The following EBF3 variants were observed in gnomAD, a reference collection of about 807,000 sequenced individuals.
The protein encoded by EBF3 is EBF transcription factor 3.
A neutral mutation model predicts 77.1 loss-of-function variants in EBF3; 18 were observed. The ratio of observed to expected loss-of-function variants is 0.23; its 90% CI spans 0.16 to 0.35. EBF3 has a LOEUF of 0.35. EBF3 is among the 10% of genes least tolerant of loss of function. The probability of loss-of-function intolerance (pLI) is 1.00; values close to 1 mark genes in which losing one functional copy is unlikely to be tolerated. For missense variants in EBF3, 558 were observed against 860.0 expected, an observed-to-expected ratio of 0.65 and a Z score of 4.39; for synonymous variants, 350 against 343.5, an observed-to-expected ratio of 1.02 and a Z score of -0.21.
rs985795725 is a variant in EBF3, at chr10:129,842,699, G to A, written c.1195-406C>T. ...GAATCGCTTGAACCTGGGAGGTGGA[G>A]GTTGCAGTGAACCGACACTGCCCTA... On this transcript the variant is annotated intron_variant, in intron 12 of 16. Coordinates refer to ENST00000440978, the MANE Select transcript of EBF3 (RefSeq NM_001375380.1). The surrounding 1 kb of genome is among the most constrained non-coding windows in gnomAD (Gnocchi z 4.4). 2.0e-5 allele frequency among the ~76,000 whole-genome samples: 3 copies of A among 149,098 alleles called. No homozygotes were observed. Among genetic ancestry groups the A allele is most frequent in the African/African-American group, 7.5e-5 (3 of 40,090 alleles).
chr10:129,958,807 G>T lies in EBF3; in HGVS notation c.485+127C>A. On this transcript the variant is annotated intron_variant, in intron 5 of 16. Coordinates refer to ENST00000440978, the MANE Select transcript of EBF3 (RefSeq NM_001375380.1). ...GCGGCCCGGCGCGCGGCCTCGGGCCGATTACATTTCAATCGATGCCCTTCC... is the reference window on the plus strand; with the variant it reads ...GCGGCCCGGCGCGCGGCCTCGGGCCTATTACATTTCAATCGATGCCCTTCC... 3.1e-6 allele frequency: 4 copies of T among 1,300,590 alleles called. No individual in the cohort carries two copies. In the South Asian group the frequency reaches 6.6e-5, roughly 21 times the overall value. 80.6% of individuals were successfully genotyped at this position (1,300,590 alleles called of 1,614,324 possible).
At chr10:129,951,854 TG>T (rs1858707178) in intron 6 of EBF3, among the ~76,000 whole-genome samples, 2 of 152,276 alleles carry the variant, frequency 1.3e-5, no homozygotes, top group Admixed American at 6.5e-5. Flanking sequence ...CATGCCATTG[TG>T]CCTCCATAAT....
Position 129,877,858 on chromosome 10 carries a change from A to T in EBF3, c.555-9T>A, listed in dbSNP as rs368810923. 1.4e-5 allele frequency: 22 copies of T among 1,603,368 alleles called. No homozygotes were observed. The highest frequency in any genetic ancestry group is 1.6e-5 in the Non-Finnish European group (19 of 1,173,166). The stretch of plus-strand genomic sequence containing the variant: ...AAAACTTTAGAAAGAATCTATAAAA[A>T]ATACAAAAAGATGATATTTATTAGG... On this transcript the variant is annotated splice_polypyrimidine_tract_variant and intron_variant, in intron 6 of 16. Transcript: ENST00000440978.
Position 129,962,931 on chromosome 10 carries a change from C to T in EBF3, c.355+11G>A. The T allele has an allele frequency of 6.2e-7, 1 of 1,613,896 alleles. No individual in the cohort carries two copies. Among genetic ancestry groups the T allele is most frequent in the African/African-American group, 1.3e-5 (1 of 75,054 alleles). On this transcript the variant is annotated intron_variant, in intron 3 of 16. Transcript: ENST00000440978. ...CGCTGCAGGGGCGGCGAGCACGCAG[C>T]AGGCACTTACCGTTGCTGTACAATA...
intron 4 of EBF3, 49 bp from the exon 5 acceptor site, chr10:129,959,056 T>G (rs766613759): frequency 6.3e-7 from 1 of 1,594,682 alleles, no homozygotes; most frequent in Admixed American, 1.7e-5. Flanking sequence ...CCCGCGGCTT[T>G]GGCGCCAAAT....
intron 7 of EBF3, among the ~76,000 whole-genome samples, chr10:129,875,379 G>A (rs1018546279): frequency 1.3e-5 from 2 of 151,930 alleles, no homozygotes; most frequent in African/African-American, 4.8e-5. Flanking sequence ...GGCATTTGTA[G>A]TAGAGATGGG....
intron 16 of EBF3, 132 bp downstream of exon 16, chr10:129,838,951 C>T (rs1849810484): frequency 1.2e-6 from 1 of 858,016 alleles, no homozygotes; most frequent in South Asian, 1.6e-5. Context: ...CACCTCACCA[C>T]CTGCCTCTGC....
At chr10:129,898,020 G>A (rs1029443600) in intron 6 of EBF3, among the ~76,000 whole-genome samples, 3 of 152,222 alleles carry the variant, frequency 2.0e-5, no homozygotes, top group Admixed American at 6.5e-5. Flanking sequence ...TATGAAAAGA[G>A]GACTTTGCAC....
rs561695887 is a variant in EBF3, at chr10:129,895,721, G to T, written c.555-17872C>A. Among the ~76,000 whole-genome samples the T allele has an allele frequency of 2.0e-5, 3 of 152,272 alleles. No individual in the cohort carries two copies. The South Asian group carries it at 6.2e-4, about 32-fold the overall frequency. ...CAGAAATGCTACTACAAATAAACTT[G>T]TATCGATACTTGTGCCATTTTAAAA... On this transcript the variant is annotated intron_variant, in intron 6 of 16. Transcript: ENST00000440978.
intron 6 of EBF3, among the ~76,000 whole-genome samples, chr10:129,950,525 T>G (rs1306089508): frequency 6.6e-6 from 1 of 152,234 alleles, no homozygotes; most frequent in East Asian, 1.9e-4. Flanking sequence ...TTGACAGATA[T>G]GTCTGACCTT....
At position 129,841,141 on chromosome 10, in the gene EBF3, G is replaced by A; in HGVS notation, c.1373-109C>T. On this transcript the variant is annotated intron_variant, in intron 13 of 16. Transcript: ENST00000440978. The surrounding 1 kb of genome is among the most constrained non-coding windows in gnomAD (Gnocchi z 4.6). The stretch of plus-strand genomic sequence containing the variant: ...TATATTAACATTGCTAATTGACCCT[G>A]TGCTTTCCACCTGCTCTAGCGCCTG... 1.4e-6 allele frequency: 2 copies of A among 1,420,524 alleles called. No individual in the cohort carries two copies. The highest frequency in any genetic ancestry group is 1.4e-5 in the African/African-American group (1 of 70,596). The allele number at this position is 1,420,524 out of a possible 1,614,324, so 88.0% of individuals were successfully genotyped here.
Position 129,879,781 on chromosome 10 carries a change from TG to T in EBF3, c.555-1933del, listed in dbSNP as rs1186984016. ...CGCAGCGAGGTAAATGAGGCGCACC[TG>T]CGGCCACACTGCATTTGAACTGCAT... On this transcript the variant is annotated intron_variant, in intron 6 of 16. Transcript: ENST00000440978. This position sits in a 1 kb window ranked among gnomAD's most constrained non-coding sequence, Gnocchi z 4.7. Among the ~76,000 whole-genome samples, 2 of 152,236 alleles carry T rather than the reference TG, an allele frequency of 1.3e-5. No individual in the cohort carries two copies. Among genetic ancestry groups the T allele is most frequent in the Admixed American group, 6.5e-5 (1 of 15,276 alleles).
At chr10:129,883,917 T>C (rs7918482) in intron 6 of EBF3, among the ~76,000 whole-genome samples, 8,467 of 152,268 alleles carry the variant, frequency 0.056, 650 homozygotes, top group African/African-American at 0.17. Context: ...TTTCATGTTA[T>C]GCCAACATCA....
At chr10:129,937,461 G>T (rs1441360834) in intron 6 of EBF3, among the ~76,000 whole-genome samples, 6 of 152,148 alleles carry the variant, frequency 3.9e-5, no homozygotes, top group Non-Finnish European at 5.9e-5. Context: ...TTTGTCACAT[G>T]CTCCTGCCCT....
chr10:129,960,367 A>C (rs1211738233), intron 4 of EBF3, among the ~76,000 whole-genome samples: 1 of 152,170 alleles, frequency 6.6e-6, no homozygotes, highest in East Asian at 1.9e-4. Context: ...GTTCCCCGCG[A>C]ACCCCGCTCA....
chr10:129,922,649 T>C (rs756333529), intron 6 of EBF3, among the ~76,000 whole-genome samples: 2 of 152,218 alleles, frequency 1.3e-5, no homozygotes, highest in Non-Finnish European at 2.9e-5. Flanking sequence ...TCTGCGTACC[T>C]ACAGCGATGC....
rs1851617633 is a variant in EBF3 at position 129,861,315 on chromosome 10, C to T, written c.1039+5826G>A. On this transcript the variant is annotated intron_variant, in intron 10 of 16. Coordinates refer to ENST00000440978, the MANE Select transcript of EBF3 (RefSeq NM_001375380.1). The surrounding 1 kb of genome is among the most constrained non-coding windows in gnomAD (Gnocchi z 4.3). ...GGGGCTGAGGCACAGATGCACGCCA[C>T]CCCACTTGGTACGAAAAAAAAAGTC... Among the ~76,000 whole-genome samples, 1 of 151,418 alleles carries T rather than the reference C, an allele frequency of 6.6e-6. No homozygotes were observed. The highest frequency in any genetic ancestry group is 2.5e-5 in the African/African-American group (1 of 40,736).
chr10:129,902,860 G>A (rs1854886113), intron 6 of EBF3, among the ~76,000 whole-genome samples: 1 of 152,236 alleles, frequency 6.6e-6, no homozygotes, highest in South Asian at 2.1e-4. Context: ...GAGCCCAGGT[G>A]CTCTGAGCCA....
intron 7 of EBF3, among the ~76,000 whole-genome samples, chr10:129,875,949 A>T (rs1378879520): frequency 6.6e-6 from 1 of 152,280 alleles, no homozygotes; most frequent in Non-Finnish European, 1.5e-5. Flanking sequence ...AAAGATGCGT[A>T]ACTAACACTG....
Sources: gnomAD v4.1 joint callset for allele counts (sites outside exome capture counted in the v4.1 genomes callset) on GRCh38, gnomAD v4.1.1 for gene constraint, Gnocchi (gnomAD v3.1) non-coding constraint, MANE v1.5 for transcripts, NCBI Gene and HGNC (gene_info 2026-07-23, HGNC 2026-07-21) for gene names.